The following GABRA2 variants were observed in gnomAD, a reference collection of about 807,000 sequenced individuals.
GABRA2 encodes the protein gamma-aminobutyric acid type A receptor subunit alpha2, also known as gamma-aminobutyric acid receptor subunit alpha-2.
GABRA2 carries 16 observed loss-of-function variants against 48.7 expected under a neutral mutation model. The observed-to-expected ratio is 0.33, with a 90% CI of 0.22 to 0.50. GABRA2 has a LOEUF of 0.50. GABRA2 is among the 20% of genes least tolerant of loss of function. GABRA2 has a pLI of 0.98. For synonymous variants in GABRA2, 185 were observed against 184.5 expected (o/e 1.00, Z -0.02); for missense variants, 275 against 535.6 (o/e 0.51, Z 4.80).
chr4:46,323,432 C>G (rs1259939351), intron 4 of GABRA2, among the ~76,000 whole-genome samples: 2 of 151,902 alleles, frequency 1.3e-5, no homozygotes, highest in Non-Finnish European at 2.9e-5. Context: ...CCGTACCAAA[C>G]TCCGTATCTA....
At chr4:46,352,559 T>C (rs1440455203) in intron 3 of GABRA2, among the ~76,000 whole-genome samples, 1 of 152,040 alleles carries the variant, frequency 6.6e-6, no homozygotes, top group East Asian at 1.9e-4. Context: ...GAAAGCATTG[T>C]GGCAATTCTC....
Position 46,276,599 on chromosome 4 carries a change from CAA to C in GABRA2, c.857-14473_857-14472del, listed in dbSNP as rs60891194. ...CCAAGAGCATTACTGACTTCAGGCT[CAA>C]AAAAAAAAAAAAAAAGAGCGTAGTT... On this transcript the variant is annotated intron_variant, in intron 8 of 9. Transcript: ENST00000381620. Among the ~76,000 whole-genome samples the C allele has an allele frequency of 5.3e-3, 455 of 85,114 alleles. 1 individual carries two copies. The highest frequency in any genetic ancestry group is 0.013 in the African/African-American group (351 of 27,052). 55.8% of individuals were successfully genotyped at this position (85,114 alleles called of 152,430 possible). A position where few individuals can be genotyped will look rare whatever the true frequency, so the allele number is the denominator to read the frequency against.
intron 2 of GABRA2, chr4:46,386,796 G>A (rs1441616080): frequency 6.5e-6 from 1 of 152,856 alleles, no homozygotes; most frequent in Non-Finnish European, 1.5e-5. Flanking sequence ...TAGCCAGGAG[G>A]TGGAGGTGGG....
At chr4:46,358,759 A>G (rs1306150608) in intron 3 of GABRA2, among the ~76,000 whole-genome samples, 1 of 152,158 alleles carries the variant, frequency 6.6e-6, no homozygotes, top group Non-Finnish European at 1.5e-5. Context: ...ATCTCTGAGC[A>G]ATCTTCTATC....
chr4:46,293,235 C>T (rs1194437862), intron 8 of GABRA2, among the ~76,000 whole-genome samples: 1 of 151,922 alleles, frequency 6.6e-6, no homozygotes, highest in Non-Finnish European at 1.5e-5. Flanking sequence ...CATGGTGCCT[C>T]AATCAGTTTC....
Position 46,263,118 on chromosome 4 carries a change from T to C in GABRA2, c.857-990A>G, listed in dbSNP as rs543721991. Among the ~76,000 whole-genome samples the C allele has an allele frequency of 2.6e-5, 4 of 152,118 alleles. No homozygotes were observed. In the South Asian group the frequency reaches 8.3e-4, roughly 32 times the overall value. The stretch of plus-strand genomic sequence containing the variant: ...ATACATGTATGTACATATATGTGTA[T>C]ATACATACAATATAGGAAATGAAAA... On this transcript the variant is annotated intron_variant, in intron 8 of 9. Transcript: ENST00000381620.
At chr4:46,345,779 C>T (rs1012166685) in intron 3 of GABRA2, among the ~76,000 whole-genome samples, 13 of 152,012 alleles carry the variant, frequency 8.6e-5, no homozygotes, top group East Asian at 1.9e-4. Flanking sequence ...AAACATCCTT[C>T]GCTTACCCTA....
intron 4 of GABRA2, among the ~76,000 whole-genome samples, chr4:46,329,697 T>A (rs902148021): frequency 2.6e-5 from 4 of 152,174 alleles, no homozygotes; most frequent in Non-Finnish European, 4.4e-5. Context: ...AATTTAGCTG[T>A]CTTTTATTAG....
At chr4:46,273,468 CATATATATATATATGCATAT>C (rs1719770402) in intron 8 of GABRA2, among the ~76,000 whole-genome samples, 2 of 43,042 alleles carry the variant, frequency 4.6e-5, no homozygotes, top group African/African-American at 2.0e-4. Context: ...CCATTCATTG[CATATATATATATATGCATAT>C]ATATATATAT....
At chr4:46,353,462 T>C (rs12647055) in intron 3 of GABRA2, among the ~76,000 whole-genome samples, 72,040 of 151,890 alleles carry the variant, frequency 0.47, 17,775 homozygotes, top group South Asian at 0.62. Context: ...GATTTCTCAT[T>C]TTACTCAGAA....
intron 8 of GABRA2, among the ~76,000 whole-genome samples, chr4:46,277,199 T>C (rs552170899): frequency 6.6e-6 from 1 of 152,258 alleles, no homozygotes; most frequent in African/African-American, 2.4e-5. Flanking sequence ...ATCAAGGCTC[T>C]CTAATTTTCC....
intron 3 of GABRA2, chr4:46,368,193 G>C (rs1714342481): frequency 1.3e-5 from 2 of 152,074 alleles, no homozygotes; most frequent in Admixed American, 1.3e-4. Context: ...AAACTGGATA[G>C]TTATTACTGA....
intron 4 of GABRA2, among the ~76,000 whole-genome samples, chr4:46,324,059 C>T (rs187472366): frequency 6.6e-6 from 1 of 152,008 alleles, no homozygotes; most frequent in Non-Finnish European, 1.5e-5. Context: ...TCTTCAACCA[C>T]GCTGCTTAAA....
rs149879126 is a variant in GABRA2 at position 46,247,764 on chromosome 4, C to T, written c.*2544G>A. ...TTCATGGAAAGGATTATAATTGTTA[C>T]GAATCTTGTTCTATAATTTAAAAGC... On this transcript the variant is annotated 3_prime_UTR_variant, in exon 10 of 10. Coordinates refer to ENST00000381620, the MANE Select transcript of GABRA2 (RefSeq NM_000807.4). Among the ~76,000 whole-genome samples, 27 of 151,280 alleles carry T rather than the reference C, an allele frequency of 1.8e-4. No individual in the cohort carries two copies. The East Asian group carries it at 4.1e-3, about 23-fold the overall frequency.
intron 4 of GABRA2, among the ~76,000 whole-genome samples, chr4:46,326,638 G>A (rs1163549293): frequency 6.6e-6 from 1 of 151,200 alleles, no homozygotes; most frequent in African/African-American, 2.4e-5. Context: ...AAATATTGGT[G>A]TTCTAGAGTT....
chr4:46,279,248 AT>A (rs2109452469), intron 8 of GABRA2, among the ~76,000 whole-genome samples: 1 of 152,258 alleles, frequency 6.6e-6, no homozygotes, highest in Admixed American at 6.5e-5. Flanking sequence ...TTGCATTTAT[AT>A]AGATTTGCTC....
chr4:46,265,022 TAGAG>T (rs143456622), intron 8 of GABRA2, among the ~76,000 whole-genome samples: 11 of 135,498 alleles, frequency 8.1e-5, no homozygotes, highest in Non-Finnish European at 1.3e-4. Context: ...GAGAGAGAGA[TAGAG>T]AGAGAGAGAG....
intron 8 of GABRA2, among the ~76,000 whole-genome samples, chr4:46,270,856 T>C (rs910865591): frequency 4.0e-5 from 6 of 151,590 alleles, no homozygotes; most frequent in African/African-American, 1.5e-4. Flanking sequence ...CAAACTAAGG[T>C]AGGTAGTTTA....
chr4:46,376,095 C>A (rs1287819470), intron 3 of GABRA2, among the ~76,000 whole-genome samples: 1 of 152,218 alleles, frequency 6.6e-6, no homozygotes, highest in Non-Finnish European at 1.5e-5. Context: ...CAACACCACA[C>A]CTTGTACGTC....
Sources: allele counts gnomAD v4.1 joint callset (sites outside exome capture counted in the v4.1 genomes callset), GRCh38; gene constraint gnomAD v4.1.1; transcripts MANE v1.5; gene names NCBI Gene and HGNC (gene_info 2026-07-23, HGNC 2026-07-21).